The following LVRN variants were observed in gnomAD, a reference collection of about 807,000 sequenced individuals.
LVRN encodes the protein laeverin.
LVRN carries 99 observed loss-of-function variants against 111.4 expected under a neutral mutation model. The observed-to-expected ratio is 0.89, with a 90% CI of 0.76 to 1.05. The LOEUF (loss-of-function observed/expected upper bound fraction) is 1.05. Ranked by LOEUF, LVRN falls within the 50% of genes least tolerant of loss-of-function variation. The pLI, the probability that LVRN is intolerant of heterozygous loss-of-function variation, is 0.00. For missense variants in LVRN, 1,414 were observed against 1,206.8 expected (o/e 1.17, Z -2.54); for synonymous variants, 488 against 449.5 (o/e 1.09, Z -1.08).
chr5:115,981,573 T>C (rs1432960227), intron 1 of LVRN, among the ~76,000 whole-genome samples: 1 of 152,184 alleles, frequency 6.6e-6, no homozygotes, highest in Non-Finnish European at 1.5e-5. Context: ...GCATTTATCC[T>C]TTATGTGACA....
chr5:115,962,795 C>T lies in LVRN; in HGVS notation c.178C>T (p.Pro60Ser). 1 of 1,611,226 alleles carries T rather than the reference C, an allele frequency of 6.2e-7. No homozygotes were observed. Among genetic ancestry groups the T allele is most frequent in the Non-Finnish European group, 8.5e-7 (1 of 1,178,594 alleles). ...GLRDLEAESS[P>S]PLRQKPTPTP... ...CAGGGACTTGGAAGCCGAGTCTTCC[C>T]CTCCCCTCAGGCAGAAGCCGACGCC... Residue 60 changes from proline (P) to serine (S), a missense_variant, in exon 1 of 20, where the codon CCT becomes TCT. By Grantham distance (74) the Pro-to-Ser change is moderately conservative. Transcript: ENST00000357872.
rs557892677 is a variant in LVRN at position 115,983,388 on chromosome 5, A to G, written c.797A>G (p.His266Arg). 4 of 1,610,420 alleles carry G rather than the reference A, an allele frequency of 2.5e-6. No homozygotes were observed. In the Admixed American group the frequency reaches 5.1e-5, roughly 20 times the overall value. Residue 266 changes from histidine (H) to arginine (R), a missense_variant, in exon 2 of 20, where the codon CAT (histidine) becomes CGT (arginine). Physicochemically the swap from His to Arg is conservative, Grantham distance 29 (BLOSUM62 0). Transcript: ENST00000357872. ...LKATFNITMI[H>R]HPSYVALSNM... ...GCAACTTTTAATATTACAATGATTC[A>G]TCATCCAAGTTATGTGGCCCTTTCC...
At chr5:115,973,255 C>T (rs1317566289) in intron 1 of LVRN, among the ~76,000 whole-genome samples, 1 of 152,106 alleles carries the variant, frequency 6.6e-6, no homozygotes, top group Non-Finnish European at 1.5e-5. Flanking sequence ...AAATAAATTC[C>T]AGTTGTTCTT....
At chr5:115,977,683 C>A (rs955061934) in intron 1 of LVRN, among the ~76,000 whole-genome samples, 1 of 152,108 alleles carries the variant, frequency 6.6e-6, no homozygotes, top group African/African-American at 2.4e-5. Context: ...AGGCTTGGGA[C>A]CTGGAGCCCT....
intron 1 of LVRN, among the ~76,000 whole-genome samples, chr5:115,969,903 G>A (rs556477248): frequency 6.6e-6 from 1 of 151,390 alleles, no homozygotes; most frequent in Non-Finnish European, 1.5e-5. Flanking sequence ...ATATCCTTGA[G>A]CATATTAGAC....
intron 4 of LVRN, 42 bp from the exon 5 acceptor site, chr5:115,992,081 G>T: frequency 5.2e-6 from 8 of 1,526,226 alleles, no homozygotes; most frequent in Admixed American, 4.5e-5. Flanking sequence ...CCATTTTTTG[G>T]AAAAGATTAT....
chr5:116,004,218 C>G (rs374071081), intron 12 of LVRN, among the ~76,000 whole-genome samples: 2 of 152,222 alleles, frequency 1.3e-5, no homozygotes, highest in Non-Finnish European at 2.9e-5. Flanking sequence ...TCCAATATCA[C>G]TTTATATTAT....
intron 18 of LVRN, chr5:116,020,223 G>A (rs1282600028): frequency 6.6e-6 from 1 of 152,188 alleles, no homozygotes; most frequent in Non-Finnish European, 1.5e-5. Context: ...TCATTCCAAT[G>A]AGAAAGACTC....
At chr5:115,994,930 T>G (rs189127874) in intron 6 of LVRN, among the ~76,000 whole-genome samples, 286 of 152,308 alleles carry the variant, frequency 1.9e-3, no homozygotes, top group African/African-American at 5.9e-3. Flanking sequence ...CCTCCTCTCT[T>G]CTGTCTCCTG....
At chr5:115,971,636 G>T (rs1027158311) in intron 1 of LVRN, among the ~76,000 whole-genome samples, 3 of 152,066 alleles carry the variant, frequency 2.0e-5, no homozygotes, top group Non-Finnish European at 2.9e-5. Flanking sequence ...ATATATATGT[G>T]GGTATATTTT....
intron 1 of LVRN, among the ~76,000 whole-genome samples, chr5:115,970,355 C>T (rs1474023142): frequency 3.3e-5 from 5 of 150,038 alleles, no homozygotes; most frequent in South Asian, 2.1e-4. Context: ...TAACTTCTTT[C>T]GTTCAGTAGA....
intron 1 of LVRN, among the ~76,000 whole-genome samples, chr5:115,981,599 A>T (rs1184946738): frequency 6.6e-6 from 1 of 152,176 alleles, no homozygotes; most frequent in African/African-American, 2.4e-5. Flanking sequence ...ATTATACCCT[A>T]GTTATTTTTA....
chr5:116,017,817 G>A, intron 18 of LVRN, among the ~76,000 whole-genome samples: 1 of 152,220 alleles, frequency 6.6e-6, no homozygotes, highest in East Asian at 1.9e-4. Flanking sequence ...ATAATATGAT[G>A]TATCTGCTTT....
intron 19 of LVRN, among the ~76,000 whole-genome samples, chr5:116,024,064 A>T (rs912172764): frequency 3.9e-5 from 6 of 152,232 alleles, no homozygotes; most frequent in African/African-American, 1.4e-4. Flanking sequence ...CTATAGTGAC[A>T]AAGGGCAGAT....
intron 1 of LVRN, among the ~76,000 whole-genome samples, chr5:115,969,140 G>A (rs551896640): frequency 1.3e-5 from 2 of 152,254 alleles, no homozygotes; most frequent in East Asian, 1.9e-4. Flanking sequence ...AGGAGGAAGC[G>A]TCTTAGTTCT....
intron 1 of LVRN, among the ~76,000 whole-genome samples, chr5:115,965,035 G>A (rs555853255): frequency 6.6e-6 from 1 of 152,332 alleles, no homozygotes; most frequent in African/African-American, 2.4e-5. Flanking sequence ...TGTGAATTGA[G>A]CTAGTCTCTT....
chr5:115,994,839 T>C lies in LVRN; in HGVS notation c.1374+985T>C, dbSNP rs551658043. Among the ~76,000 whole-genome samples the C allele has an allele frequency of 9.6e-4, 147 of 152,346 alleles. 2 individuals carry two copies. Among genetic ancestry groups the C allele is most frequent in the Middle Eastern group, 3.4e-3 (1 of 294 alleles). On this transcript the variant is annotated intron_variant, in intron 6 of 19. Coordinates refer to ENST00000357872, the MANE Select transcript of LVRN (RefSeq NM_173800.5). ...TTGATTTGATTTAGATATCTAAATG[T>C]TTAGACTTAATGTTATCTTTTGATA... is the stretch of plus-strand genomic sequence containing the variant.
At chr5:115,982,019 T>C (rs1360992403) in intron 1 of LVRN, among the ~76,000 whole-genome samples, 1 of 152,134 alleles carries the variant, frequency 6.6e-6, no homozygotes, top group African/African-American at 2.4e-5. Flanking sequence ...TGGTAGTAGA[T>C]GGAGTGGAGT....
At chr5:116,015,215 T>G in intron 16 of LVRN, 37 bp from the exon 17 acceptor site, 1 of 1,475,688 alleles carries the variant, frequency 6.8e-7, no homozygotes, top group Non-Finnish European at 9.1e-7. Flanking sequence ...TAAACATAAC[T>G]ACTATGAAAA....
Sources: allele counts gnomAD v4.1 joint callset (sites outside exome capture counted in the v4.1 genomes callset), GRCh38; gene constraint gnomAD v4.1.1; transcripts MANE v1.5; gene names NCBI Gene and HGNC (gene_info 2026-07-23, HGNC 2026-07-21).